Variants in KIF17 observed in about 807,000 individuals in gnomAD.
The protein encoded by KIF17 is kinesin-like protein KIF17.
Under a neutral mutation model 96.8 loss-of-function variants are expected in KIF17, and 80 were observed. That is an observed-to-expected ratio of 0.83 (90% CI 0.69 to 1.00). KIF17 has a LOEUF of 1.00. Among genes scored for constraint, KIF17 ranks in the 50% least tolerant of loss-of-function variants. KIF17 has a pLI of 0.00. For missense variants in KIF17, 1,280 were observed against 1,372.9 expected, an observed-to-expected ratio of 0.93 and a Z score of 1.07; for synonymous variants, 567 against 587.5, an observed-to-expected ratio of 0.97 and a Z score of 0.51.
intron 6 of KIF17, among the ~76,000 whole-genome samples, chr1:20,695,798 A>AT (rs1469389410): frequency 3.7e-4 from 57 of 152,242 alleles, no homozygotes; most frequent in African/African-American, 1.3e-3. Context: ...AATTCCCGAC[A>AT]GTCTACAACA....
Position 20,704,989 on chromosome 1 carries a change from C to T in KIF17, c.671-90G>A. ...TGCCAGGCACTGGGTGCTCAATGCC[C>T]ACCCACCGAGGGTTCCCCTCAGCTG... is the stretch of plus-strand genomic sequence containing the variant. On this transcript the variant is annotated intron_variant, in intron 4 of 14. Transcript: ENST00000400463. This position sits in a 1 kb window ranked among gnomAD's most constrained non-coding sequence, Gnocchi z 6.8. 8.4e-7 allele frequency: 1 copy of T among 1,185,112 alleles called. No individual in the cohort carries two copies. The highest frequency in any genetic ancestry group is 1.2e-6 in the Non-Finnish European group (1 of 813,874). 73.4% of individuals were successfully genotyped at this position (1,185,112 alleles called of 1,614,324 possible).
intron 3 of KIF17, among the ~76,000 whole-genome samples, chr1:20,712,964 ATATAT>A (rs1213783078): frequency 7.4e-6 from 1 of 135,754 alleles, no homozygotes; most frequent in Non-Finnish European, 1.5e-5. Context: ...TATATTATAT[ATATAT>A]TATCTATATA....
chr1:20,701,394 G>A (rs1434857096), intron 5 of KIF17, among the ~76,000 whole-genome samples: 1 of 152,106 alleles, frequency 6.6e-6, no homozygotes, highest in Non-Finnish European at 1.5e-5. Flanking sequence ...TCGCGCCACT[G>A]CACTCCAGCC....
At chr1:20,694,940 A>G (rs2054107150) in intron 6 of KIF17, among the ~76,000 whole-genome samples, 1 of 152,174 alleles carries the variant, frequency 6.6e-6, no homozygotes, top group East Asian at 1.9e-4. Context: ...CTCCCAGCAC[A>G]GCCCTGACCC....
intron 3 of KIF17, 143 bp downstream of exon 3, chr1:20,713,311 A>T: frequency 1.6e-6 from 1 of 630,698 alleles, no homozygotes; most frequent in Non-Finnish European, 2.7e-6. Context: ...AGTTTTTTTT[A>T]ATTAAAAAAA....
At chr1:20,664,793 G>A in intron 14 of KIF17, 31 bp from the exon 15 acceptor site, 3 of 1,601,066 alleles carry the variant, frequency 1.9e-6, no homozygotes, top group Non-Finnish European at 2.6e-6. Context: ...GTGCTGGTAA[G>A]CCAGGAGCGC....
Position 20,709,948 on chromosome 1 carries a change from G to T in KIF17, c.481-120C>A. Reference sequence around the variant, plus strand: ...ACCGCCCTCGCCCTCCTGTAATGCAGGCTGGCACCTCACATGCCTGTCACA... The same window carrying T: ...ACCGCCCTCGCCCTCCTGTAATGCATGCTGGCACCTCACATGCCTGTCACA... On this transcript the variant is annotated intron_variant, in intron 3 of 14. Transcript: ENST00000400463. The surrounding 1 kb of genome is among the most constrained non-coding windows in gnomAD (Gnocchi z 4.7). 1 of 909,170 alleles carries T rather than the reference G, an allele frequency of 1.1e-6. No homozygotes were observed. The highest frequency in any genetic ancestry group is 1.7e-6 in the Non-Finnish European group (1 of 573,480). 56.3% of individuals were successfully genotyped at this position (909,170 alleles called of 1,614,324 possible).
rs1377621616 is a variant in KIF17 at position 20,712,880 on chromosome 1, A to ATC, written c.480+573_480+574insGA. ...TATCTATATTATAGATATTATCTAT[A>ATC]TATAATATAGATAATATTATCTATA... On this transcript the variant is annotated intron_variant, in intron 3 of 14. Transcript: ENST00000400463. Among the ~76,000 whole-genome samples the ATC allele has an allele frequency of 7.2e-3, 197 of 27,454 alleles. 4 individuals are homozygous for ATC. The highest frequency in any genetic ancestry group is 0.012 in the Non-Finnish European group (149 of 12,120). 18.0% of individuals were successfully genotyped at this position (27,454 alleles called of 152,430 possible).
chr1:20,715,422 G>C, intron 2 of KIF17, 71 bp downstream of exon 2: 1 of 1,588,622 alleles, frequency 6.3e-7, no homozygotes, highest in Non-Finnish European at 8.6e-7. Flanking sequence ...CCGTGTCTCT[G>C]CCACCTGTCA....
In KIF17 at chr1:20,664,310, CTG is replaced by C; in HGVS notation, c.*272_*273del. 1 of 1,368,772 alleles carries C rather than the reference CTG, an allele frequency of 7.3e-7. No individual in the cohort carries two copies. The highest frequency in any genetic ancestry group is 9.5e-7 in the Non-Finnish European group (1 of 1,056,926). 84.8% of individuals were successfully genotyped at this position (1,368,772 alleles called of 1,614,324 possible). On this transcript the variant is annotated 3_prime_UTR_variant, in exon 15 of 15. Coordinates refer to ENST00000400463, the MANE Select transcript of KIF17 (RefSeq NM_001122819.3). Reference sequence around the variant, plus strand: ...ACACTGGTGGGCATGGGTGTGGGCTCTGTGGCAGGTGAGCAGACGGAAACACT... The same window carrying C: ...ACACTGGTGGGCATGGGTGTGGGCTCTGGCAGGTGAGCAGACGGAAACACT...
chr1:20,712,622 G>T (rs1557606414), intron 3 of KIF17, among the ~76,000 whole-genome samples: 13 of 21,096 alleles, frequency 6.2e-4, no homozygotes, highest in South Asian at 1.7e-3. Flanking sequence ...ATATAATATA[G>T]ATAATATCTA....
intron 11 of KIF17, among the ~76,000 whole-genome samples, chr1:20,679,137 C>A (rs974197384): frequency 2.6e-5 from 4 of 151,830 alleles, no homozygotes; most frequent in Admixed American, 2.6e-4. Flanking sequence ...CATGGCAAAA[C>A]CCCTTCTCTA....
At position 20,704,797 on chromosome 1, in the gene KIF17, T is replaced by C. The variant is rs780352465; in HGVS notation, c.773A>G (p.Lys258Arg). The C allele has an allele frequency of 6.2e-7, 1 of 1,609,840 alleles. No homozygotes were observed. Among genetic ancestry groups the C allele is most frequent in the South Asian group, 1.1e-5 (1 of 91,014 alleles). Residue 258 changes from lysine (K) to arginine (R), a missense_variant, in exon 5 of 15, where the codon AAG (lysine) becomes AGG (arginine). Coordinates refer to ENST00000400463, the MANE Select transcript of KIF17 (RefSeq NM_001122819.3). This position sits in a 1 kb window ranked among gnomAD's most constrained non-coding sequence, Gnocchi z 6.8. ...SKTGATGERL[K>R]EATKINLSLS... ...CGACAGGTTGATCTTGGTGGCCTCC[T>C]TGAGCCGCTCGCCCGTGGCCCCGGT...
At chr1:20,712,958 T>TTA (rs892933980) in intron 3 of KIF17, among the ~76,000 whole-genome samples, 1 of 134,972 alleles carries the variant, frequency 7.4e-6, no homozygotes, top group African/African-American at 2.8e-5. Context: ...ATTATCTATA[T>TTA]TATATATATA....
intron 11 of KIF17, among the ~76,000 whole-genome samples, chr1:20,673,214 AAAAT>A (rs1039579411): frequency 2.0e-5 from 3 of 152,028 alleles, no homozygotes; most frequent in Admixed American, 6.6e-5. Flanking sequence ...ACTCTGTCTC[AAAAT>A]AAATAAATAA....
Position 20,699,668 on chromosome 1 carries a change from A to T in KIF17, c.1124-1180T>A, listed in dbSNP as rs528440465. On this transcript the variant is annotated intron_variant, in intron 5 of 14. Coordinates refer to ENST00000400463, the MANE Select transcript of KIF17 (RefSeq NM_001122819.3). This position sits in a 1 kb window ranked among gnomAD's most constrained non-coding sequence, Gnocchi z 4.3. ...GCACAGGAGGAGCTTGCTAGACAGG[A>T]GGCGCTTGCTAGACAGGGGGAGCTT... is the stretch of plus-strand genomic sequence containing the variant. Among the ~76,000 whole-genome samples the T allele has an allele frequency of 1.4e-5, 2 of 147,276 alleles. No homozygotes were observed. The highest frequency in any genetic ancestry group is 5.4e-5 in the African/African-American group (2 of 36,894).
At chr1:20,717,272 G>C in intron 1 of KIF17, 1 of 599,792 alleles carries the variant, frequency 1.7e-6, no homozygotes. Flanking sequence ...GAGACGCTGG[G>C]GATAGTGCAG....
intron 5 of KIF17, among the ~76,000 whole-genome samples, chr1:20,701,773 G>C (rs746376774): frequency 6.6e-6 from 1 of 152,222 alleles, no homozygotes; most frequent in Non-Finnish European, 1.5e-5. Context: ...CAGTCACCGG[G>C]CTCCACGACA....
At chr1:20,676,688 A>G (rs893080579) in intron 11 of KIF17, among the ~76,000 whole-genome samples, 2 of 152,024 alleles carry the variant, frequency 1.3e-5, no homozygotes, top group Admixed American at 1.3e-4. Flanking sequence ...AAAATTAGCC[A>G]GGCGTGGTGG....
Sources: allele counts gnomAD v4.1 joint callset (sites outside exome capture counted in the v4.1 genomes callset), GRCh38; gene constraint gnomAD v4.1.1; non-coding constraint Gnocchi (gnomAD v3.1); transcripts MANE v1.5; gene names NCBI Gene and HGNC (gene_info 2026-07-23, HGNC 2026-07-21).